UBAC1: variants seen among roughly 807,000 people sequenced by gnomAD.
UBAC1 encodes UBA domain containing 1, also known as ubiquitin-associated domain-containing protein 1.
A neutral mutation model predicts 45.9 loss-of-function variants in UBAC1; 27 were observed. The ratio of observed to expected loss-of-function variants is 0.59; its 90% CI spans 0.43 to 0.81. The LOEUF is 0.81. Ranked by LOEUF, UBAC1 falls within the 30% of genes least tolerant of loss-of-function variation. UBAC1 has a pLI of 0.00. For synonymous variants in UBAC1, 227 were observed against 215.5 expected (o/e 1.05, Z -0.47); for missense variants, 529 against 539.2 (o/e 0.98, Z 0.19).
At chr9:135,959,772 GC>G (rs1485166464) in intron 1 of UBAC1, among the ~76,000 whole-genome samples, 1 of 152,188 alleles carries the variant, frequency 6.6e-6, no homozygotes, top group East Asian at 1.9e-4. Flanking sequence ...GCTTAGTGAT[GC>G]CCCGATGGTT....
rs372895433 is a variant in UBAC1 at position 135,935,030 on chromosome 9, T to A, written c.1103-1515A>T. On this transcript the variant is annotated intron_variant, in intron 9 of 9. Transcript: ENST00000371756. ...GAGTAGCAGGGACTACAGGTACGTGTGCCACCACTCCTGGCTGATTTTGTT... is the reference window on the plus strand; with the variant it reads ...GAGTAGCAGGGACTACAGGTACGTGAGCCACCACTCCTGGCTGATTTTGTT... Among the ~76,000 whole-genome samples the A allele has an allele frequency of 4.6e-5, 7 of 152,272 alleles. No homozygotes were observed. The South Asian group carries it at 1.5e-3, about 32-fold the overall frequency.
chr9:135,934,156 A>ATGGAC (rs1377025125), intron 9 of UBAC1, among the ~76,000 whole-genome samples: 3 of 152,170 alleles, frequency 2.0e-5, no homozygotes, highest in Non-Finnish European at 2.9e-5. Context: ...CCTGACACAC[A>ATGGAC]TGGACGCACT....
rs1564196912 is a variant in UBAC1, at chr9:135,946,261, A to T, written c.544+8T>A. Reference sequence around the variant, plus strand: ...GCCCTGGAATGCAGCATCGGGGTTGACTCATACCATTCGCCTTCTTAAACA... The same window carrying T: ...GCCCTGGAATGCAGCATCGGGGTTGTCTCATACCATTCGCCTTCTTAAACA... On this transcript the variant is annotated splice_region_variant and intron_variant, in intron 5 of 9. Coordinates refer to ENST00000371756, the MANE Select transcript of UBAC1 (RefSeq NM_016172.3). The T allele has an allele frequency of 6.3e-7, 1 of 1,593,476 alleles. No homozygotes were observed. Among genetic ancestry groups the T allele is most frequent in the Admixed American group, 1.7e-5 (1 of 59,988 alleles).
rs767147659 is a variant in UBAC1, at chr9:135,945,162, C to T, written c.742G>A (p.Glu248Lys). The part of the protein sequence containing the change: ...DTPLPGQAPP[E>K]AEGATAAASE... ...GCAGCTGCTGTGGCCCCCTCGGCCT[C>T]TGGGGGAGCTTGGCCAGGAAGAGGC... is the stretch of plus-strand genomic sequence containing the variant. Residue 248 changes from glutamate to lysine, a missense_variant, in exon 7 of 10, where the codon GAG (glutamate) becomes AAG (lysine). Glu to Lys is a moderately conservative substitution (Grantham distance 56). Transcript: ENST00000371756. 64 of 1,613,496 alleles carry T rather than the reference C, an allele frequency of 4.0e-5. No homozygotes were observed. The highest frequency in any genetic ancestry group is 5.4e-5 in the Non-Finnish European group (64 of 1,179,894).
chr9:135,956,006 A>C (rs545499610), intron 1 of UBAC1, among the ~76,000 whole-genome samples: 1 of 152,314 alleles, frequency 6.6e-6, no homozygotes, highest in South Asian at 2.1e-4. Context: ...CAGCTCACGA[A>C]GCAACAGCCA....
intron 7 of UBAC1, among the ~76,000 whole-genome samples, chr9:135,940,632 C>T (rs1839259307): frequency 6.7e-6 from 1 of 149,660 alleles, no homozygotes. Flanking sequence ...TAATATTGAA[C>T]AAAACTTAAG....
At chr9:135,950,705 G>T (rs566258009) in intron 3 of UBAC1, among the ~76,000 whole-genome samples, 1 of 152,256 alleles carries the variant, frequency 6.6e-6, no homozygotes, top group South Asian at 2.1e-4. Context: ...TCTTCATTAA[G>T]AAGTCAATAG....
chr9:135,936,905 A>G (rs1428600782), intron 9 of UBAC1, among the ~76,000 whole-genome samples: 1 of 152,244 alleles, frequency 6.6e-6, no homozygotes, highest in Non-Finnish European at 1.5e-5. Flanking sequence ...GAAACTGAAC[A>G]ACGGCATCTG....
At chr9:135,958,393 G>T in intron 1 of UBAC1, among the ~76,000 whole-genome samples, 1 of 152,138 alleles carries the variant, frequency 6.6e-6, no homozygotes, top group Non-Finnish European at 1.5e-5. Flanking sequence ...TACAAGACAG[G>T]TTCCTCTGCC....
At chr9:135,958,214 T>C (rs1839490718) in intron 1 of UBAC1, among the ~76,000 whole-genome samples, 1 of 152,010 alleles carries the variant, frequency 6.6e-6, no homozygotes, top group Non-Finnish European at 1.5e-5. Context: ...GCCCGGCTAA[T>C]TTTTCTGTAT....
intron 1 of UBAC1, among the ~76,000 whole-genome samples, chr9:135,959,158 A>G (rs942514207): frequency 1.3e-5 from 2 of 152,216 alleles, no homozygotes; most frequent in African/African-American, 4.8e-5. Flanking sequence ...GAGTTAAAGT[A>G]AATGCCGTGC....
chr9:135,939,859 G>A, intron 7 of UBAC1, 100 bp from the exon 8 acceptor site: 3 of 987,522 alleles, frequency 3.0e-6, no homozygotes, highest in Non-Finnish European at 4.7e-6. Flanking sequence ...CCTAGCGGAG[G>A]GTGCTCCCAA....
chr9:135,938,036 G>A (rs1194752130), intron 9 of UBAC1, among the ~76,000 whole-genome samples, 186 bp downstream of exon 9: 1 of 152,156 alleles, frequency 6.6e-6, no homozygotes, highest in Non-Finnish European at 1.5e-5. Flanking sequence ...CCTGACCTGC[G>A]GGCCCCACAG....
At chr9:135,939,597 C>CACCACAGCCCACACTT in intron 8 of UBAC1, 76 bp downstream of exon 8, 2 of 1,443,478 alleles carry the variant, frequency 1.4e-6, no homozygotes, top group Admixed American at 3.6e-5. Context: ...CACACTCACT[C>CACCACAGCCCACACTT]ACCACAGCCC....
At chr9:135,960,296 A>T (rs1453700093) in intron 1 of UBAC1, among the ~76,000 whole-genome samples, 1 of 152,236 alleles carries the variant, frequency 6.6e-6, no homozygotes, top group African/African-American at 2.4e-5. Context: ...AACCTAAGGA[A>T]CTAAATACAC....
At position 135,945,981 on chromosome 9, in the gene UBAC1, G is replaced by T; in HGVS notation, c.561C>A (p.Asp187Glu). Residue 187 changes from aspartate (D) to glutamate (E), a missense_variant, in exon 6 of 10, where the codon GAC becomes GAA. Coordinates refer to ENST00000371756, the MANE Select transcript of UBAC1 (RefSeq NM_016172.3). ...CAGCCTCGTCCACACGCTCATCCTC[G>T]TCCTCGTCCAGCATTGCTGCAGGGA... ...FKKANAMLDE[D>E]EDERVDEAAL... 1 of 1,613,782 alleles carries T rather than the reference G, an allele frequency of 6.2e-7. No individual in the cohort carries two copies.
intron 1 of UBAC1, among the ~76,000 whole-genome samples, chr9:135,960,365 G>C (rs1158501759): frequency 1.3e-5 from 2 of 152,182 alleles, no homozygotes; most frequent in African/African-American, 2.4e-5. Context: ...CCCTACTCCT[G>C]GGACTTCTCT....
chr9:135,946,036 AG>A, intron 5 of UBAC1, 39 bp from the exon 6 acceptor site: 1 of 1,566,994 alleles, frequency 6.4e-7, no homozygotes, highest in South Asian at 1.1e-5. Flanking sequence ...CTCCAGCCTC[AG>A]GTTCAGGGGC....
intron 3 of UBAC1, among the ~76,000 whole-genome samples, chr9:135,948,965 G>A (rs889174032): frequency 1.3e-5 from 2 of 152,054 alleles, no homozygotes; most frequent in Admixed American, 1.3e-4. Context: ...AGCTACCCGG[G>A]AGGCTGAGGC....
Sources: gnomAD v4.1 joint callset for allele counts (sites outside exome capture counted in the v4.1 genomes callset) on GRCh38, gnomAD v4.1.1 for gene constraint, MANE v1.5 for transcripts, NCBI Gene and HGNC (gene_info 2026-07-23, HGNC 2026-07-21) for gene names.